Variants in SCAI observed in about 807,000 individuals in gnomAD.
SCAI encodes protein SCAI.
SCAI carries 24 observed loss-of-function variants against 92.2 expected under a neutral mutation model. The ratio of observed to expected loss-of-function variants is 0.26; its 90% CI spans 0.19 to 0.37. The LOEUF (loss-of-function observed/expected upper bound fraction) is 0.37, where lower values mean the gene tolerates loss of function less well. SCAI is among the 10% of genes least tolerant of loss of function. The pLI, the probability that SCAI is intolerant of heterozygous loss-of-function variation, is 1.00. For synonymous variants in SCAI, 261 were observed against 258.6 expected (o/e 1.01, Z -0.09); for missense variants, 450 against 736.2 (o/e 0.61, Z 4.50).
chr9:125,122,614 A>T (rs1449078529), intron 2 of SCAI, among the ~76,000 whole-genome samples: 25 of 143,156 alleles, frequency 1.7e-4, no homozygotes, highest in Non-Finnish European at 3.5e-4. Flanking sequence ...AAAAAAAAAA[A>T]GCTGGTTGTG....
chr9:125,062,731 AC>A (rs1480363792), intron 2 of SCAI, among the ~76,000 whole-genome samples: 10 of 149,832 alleles, frequency 6.7e-5, no homozygotes, highest in South Asian at 2.1e-4. Flanking sequence ...AAACAAACAA[AC>A]AAACAAAGGC....
intron 3 of SCAI, among the ~76,000 whole-genome samples, chr9:125,054,400 T>G (rs936627677): frequency 6.6e-6 from 1 of 152,166 alleles, no homozygotes; most frequent in African/African-American, 2.4e-5. Context: ...TTGGGTTTTG[T>G]TTTTTTATAA....
At chr9:125,042,612 A>AGCATGTGTGTGTGT (rs1833338431) in intron 3 of SCAI, among the ~76,000 whole-genome samples, 1 of 71,036 alleles carries the variant, frequency 1.4e-5, no homozygotes, top group Non-Finnish European at 2.7e-5. Context: ...CTTCCACCAG[A>AGCATGTGTGTGTGT]GTATGTGTGT....
intron 2 of SCAI, among the ~76,000 whole-genome samples, chr9:125,105,196 A>G (rs1834752625): frequency 6.6e-6 from 1 of 152,040 alleles, no homozygotes; most frequent in African/African-American, 2.4e-5. Context: ...TTAGCTGGGC[A>G]TGGTGACATG....
intron 13 of SCAI, among the ~76,000 whole-genome samples, chr9:124,997,834 C>A (rs1292404676): frequency 6.7e-6 from 1 of 148,658 alleles, no homozygotes; most frequent in Non-Finnish European, 1.5e-5. Context: ...CAAGATAGTG[C>A]CACTGCACTC....
At chr9:125,021,243 A>G (rs1832865027) in intron 6 of SCAI, among the ~76,000 whole-genome samples, 1 of 152,194 alleles carries the variant, frequency 6.6e-6, no homozygotes, top group Non-Finnish European at 1.5e-5. Flanking sequence ...CGAAGCGTGG[A>G]AGACTACAGG....
At chr9:125,069,217 C>A (rs1048704685) in intron 2 of SCAI, among the ~76,000 whole-genome samples, 2 of 151,244 alleles carry the variant, frequency 1.3e-5, no homozygotes, top group African/African-American at 4.9e-5. Context: ...GACTCCATCT[C>A]AAGAAAAGAA....
intron 3 of SCAI, among the ~76,000 whole-genome samples, chr9:125,043,933 C>A (rs144624888): frequency 3.3e-4 from 50 of 152,244 alleles, no homozygotes; most frequent in African/African-American, 9.9e-4. Flanking sequence ...GGTGCAGCTG[C>A]AGCTACCCAG....
intron 2 of SCAI, among the ~76,000 whole-genome samples, chr9:125,071,878 G>C (rs1212335966): frequency 1.3e-5 from 2 of 152,168 alleles, no homozygotes; most frequent in Non-Finnish European, 2.9e-5. Flanking sequence ...ACTTATTGAG[G>C]AAACTAAGTT....
chr9:125,074,275 AAGAT>A lies in SCAI; in HGVS notation c.99-18272_99-18269del, dbSNP rs200571334. ...CTCCATATCAAAAAAAAAAAAAAAA[AAGAT>A]AGAGTCTCGCTCTGTCACTCAGGTT... On this transcript the variant is annotated intron_variant, in intron 2 of 17. Transcript: ENST00000336505. Among the ~76,000 whole-genome samples the A allele has an allele frequency of 8.8e-3, 1,309 of 148,772 alleles. 23 individuals carry two copies. The highest frequency in any genetic ancestry group is 0.031 in the African/African-American group (1,259 of 40,342).
At chr9:124,999,301 C>T (rs1832310554) in intron 13 of SCAI, among the ~76,000 whole-genome samples, 2 of 151,568 alleles carry the variant, frequency 1.3e-5, no homozygotes, top group African/African-American at 4.8e-5. Context: ...GCAGGAGAAT[C>T]GCTTGAACCC....
chr9:125,020,835 T>G, intron 6 of SCAI, 66 bp from the exon 7 acceptor site: 1 of 677,478 alleles, frequency 1.5e-6, no homozygotes. Context: ...TTTTTTAATT[T>G]TCTGATAGCT....
intron 3 of SCAI, 34 bp from the exon 4 acceptor site, chr9:125,029,773 ACTT>A (rs1156984066): frequency 7.9e-7 from 1 of 1,266,232 alleles, no homozygotes; most frequent in African/African-American, 1.5e-5. Flanking sequence ...TTAATATTAA[ACTT>A]CTTATTCTAT....
chr9:125,143,196 G>A (rs1278923677), intron 1 of SCAI, among the ~76,000 whole-genome samples, 189 bp downstream of exon 1: 1 of 151,044 alleles, frequency 6.6e-6, no homozygotes, highest in African/African-American at 2.4e-5. Flanking sequence ...CTCTCACCTG[G>A]CCTCGAGGAG....
In SCAI at chr9:124,943,451, G is replaced by A. The variant is rs372151916; in HGVS notation, c.*9356C>T. 17 of 152,266 alleles carry A rather than the reference G, an allele frequency of 1.1e-4. No homozygotes were observed. The highest frequency in any genetic ancestry group is 3.9e-4 in the African/African-American group (16 of 41,552). 9.4% of individuals were successfully genotyped at this position (152,266 alleles called of 1,614,324 possible). A position where few individuals can be genotyped will look rare whatever the true frequency, so the allele number is the denominator to read the frequency against. On this transcript the variant is annotated 3_prime_UTR_variant, in exon 18 of 18. Transcript: ENST00000336505. The stretch of plus-strand genomic sequence containing the variant: ...AACCAAATAGCTTCATTATTTGCAC[G>A]ACAGATTAGCAGCACTTGGATAAGA...
At chr9:125,111,119 CAT>C (rs1834920655) in intron 2 of SCAI, among the ~76,000 whole-genome samples, 2 of 151,940 alleles carry the variant, frequency 1.3e-5, no homozygotes, top group African/African-American at 4.8e-5. Flanking sequence ...TCTTAAAACA[CAT>C]ATGAGTAAAT....
At chr9:125,056,887 T>TCACA (rs753476163) in intron 2 of SCAI, among the ~76,000 whole-genome samples, 2 of 151,780 alleles carry the variant, frequency 1.3e-5, no homozygotes. Context: ...GGATATAAAA[T>TCACA]CACACACACA....
At chr9:125,096,840 A>G (rs1834563119) in intron 2 of SCAI, among the ~76,000 whole-genome samples, 1 of 152,250 alleles carries the variant, frequency 6.6e-6, no homozygotes, top group Non-Finnish European at 1.5e-5. Context: ...AAATGAAATT[A>G]TATGATATAA....
In SCAI at chr9:124,948,980, ATTGGGC is replaced by A. The variant is rs982390165; in HGVS notation, c.*3821_*3826del. On this transcript the variant is annotated 3_prime_UTR_variant, in exon 18 of 18. Transcript: ENST00000336505. ...TTGCCACTATCATCAGCTCAAGCCCATTGGGCAACTGTCCTTTTAGATAATTCTTCT... is the reference window on the plus strand; with the variant it reads ...TTGCCACTATCATCAGCTCAAGCCCAAACTGTCCTTTTAGATAATTCTTCT... 6.6e-6 allele frequency: 1 copy of A among 152,254 alleles called. No individual in the cohort carries two copies. The highest frequency in any genetic ancestry group is 1.5e-5 in the Non-Finnish European group (1 of 68,046). 9.4% of individuals were successfully genotyped at this position (152,254 alleles called of 1,614,324 possible). A position where few individuals can be genotyped will look rare whatever the true frequency, so the allele number is the denominator to read the frequency against.
Sources: allele counts gnomAD v4.1 joint callset (sites outside exome capture counted in the v4.1 genomes callset), GRCh38; gene constraint gnomAD v4.1.1; transcripts MANE v1.5; gene names NCBI Gene and HGNC (gene_info 2026-07-23, HGNC 2026-07-21).